The following BMP5 variants were observed in gnomAD, a reference collection of about 807,000 sequenced individuals.
The protein encoded by BMP5 is bone morphogenetic protein 5.
A neutral mutation model predicts 46.6 loss-of-function variants in BMP5; 23 were observed. The observed-to-expected ratio is 0.49, with a 90% CI of 0.35 to 0.70. The LOEUF (loss-of-function observed/expected upper bound fraction) is 0.70, where lower values mean the gene tolerates loss of function less well. Among genes scored for constraint, BMP5 ranks in the 30% least tolerant of loss-of-function variants. BMP5 has a pLI of 0.00. For missense variants in BMP5, 545 were observed against 565.6 expected, an observed-to-expected ratio of 0.96 and a Z score of 0.37; for synonymous variants, 204 against 191.9, an observed-to-expected ratio of 1.06 and a Z score of -0.52.
At chr6:55,809,490 T>TA (rs1776070464) in intron 2 of BMP5, among the ~76,000 whole-genome samples, 3 of 152,020 alleles carry the variant, frequency 2.0e-5, no homozygotes, top group Admixed American at 1.3e-4. Context: ...TGAAAACTTA[T>TA]AAAAAATAAG....
chr6:55,813,438 G>A (rs569419746), intron 2 of BMP5, among the ~76,000 whole-genome samples: 1 of 151,736 alleles, frequency 6.6e-6, no homozygotes, highest in East Asian at 1.9e-4. Context: ...ATGTTTCTTG[G>A]TTTGGGTCAA....
At chr6:55,826,825 G>C (rs898524495) in intron 1 of BMP5, among the ~76,000 whole-genome samples, 11 of 151,754 alleles carry the variant, frequency 7.2e-5, no homozygotes, top group Admixed American at 2.6e-4. Context: ...TCATGGTACA[G>C]ATAAACAATA....
chr6:55,763,345 A>T (rs1282162994), intron 4 of BMP5, among the ~76,000 whole-genome samples: 1 of 152,182 alleles, frequency 6.6e-6, no homozygotes, highest in Non-Finnish European at 1.5e-5. Context: ...AGTGATGTAT[A>T]TAATGTAACA....
chr6:55,827,114 G>A (rs1776551843), intron 1 of BMP5, among the ~76,000 whole-genome samples: 1 of 151,644 alleles, frequency 6.6e-6, no homozygotes, highest in Non-Finnish European at 1.5e-5. Flanking sequence ...ATAGAACACT[G>A]GGAACACACT....
chr6:55,851,367 T>C (rs916284176), intron 1 of BMP5, among the ~76,000 whole-genome samples: 1 of 152,134 alleles, frequency 6.6e-6, no homozygotes, highest in African/African-American at 2.4e-5. Flanking sequence ...GAATACGCTA[T>C]GTATGTCACA....
intron 1 of BMP5, among the ~76,000 whole-genome samples, chr6:55,826,970 C>A (rs1039954029): frequency 6.6e-6 from 1 of 151,748 alleles, no homozygotes; most frequent in African/African-American, 2.4e-5. Flanking sequence ...CAAAGTTTTC[C>A]TATTCCATTC....
intron 3 of BMP5, among the ~76,000 whole-genome samples, chr6:55,787,001 AAAT>A (rs2127526241): frequency 6.6e-6 from 1 of 151,840 alleles, no homozygotes; most frequent in African/African-American, 2.4e-5. Flanking sequence ...GAACTTAGAT[AAAT>A]AATAATGAGA....
At chr6:55,777,747 C>T (rs1270099392) in intron 3 of BMP5, among the ~76,000 whole-genome samples, 2 of 151,882 alleles carry the variant, frequency 1.3e-5, no homozygotes, top group East Asian at 3.9e-4. Context: ...AAGTCTATAA[C>T]TCAGAGTTAC....
chr6:55,764,571 C>CAAAAAAAA (rs57293392), intron 4 of BMP5, among the ~76,000 whole-genome samples: 3 of 110,144 alleles, frequency 2.7e-5, no homozygotes, highest in Non-Finnish European at 2.0e-5. Context: ...GACTCTGTCT[C>CAAAAAAAA]AAAAAAAAAA....
chr6:55,789,511 T>C (rs1252300587), intron 3 of BMP5, among the ~76,000 whole-genome samples: 1 of 152,050 alleles, frequency 6.6e-6, no homozygotes, highest in Non-Finnish European at 1.5e-5. Flanking sequence ...CATATGTGTG[T>C]AGGAAAAATC....
At chr6:55,779,558 G>A (rs991610286) in intron 3 of BMP5, among the ~76,000 whole-genome samples, 4 of 151,838 alleles carry the variant, frequency 2.6e-5, no homozygotes, top group South Asian at 2.1e-4. Flanking sequence ...CATTTAAAAC[G>A]TACAGAATTC....
rs1024884393 is a variant in BMP5, at chr6:55,754,986, C to T, written c.*547G>A. Reference sequence around the variant, plus strand: ...TCTTTCAGCTTCTATGTTCTGCCTACCGTTTATTTATTCAAATCCAGTTCA... The same window carrying T: ...TCTTTCAGCTTCTATGTTCTGCCTATCGTTTATTTATTCAAATCCAGTTCA... On this transcript the variant is annotated 3_prime_UTR_variant, in exon 7 of 7. Transcript: ENST00000370830. The T allele has an allele frequency of 6.6e-6, 1 of 152,356 alleles. No homozygotes were observed. Among genetic ancestry groups the T allele is most frequent in the African/African-American group, 2.4e-5 (1 of 41,422 alleles). The allele number at this position is 152,356 out of a possible 1,614,324, so 9.4% of individuals were successfully genotyped here.
chr6:55,766,093 A>T (rs1448174146), intron 4 of BMP5, among the ~76,000 whole-genome samples: 2 of 152,086 alleles, frequency 1.3e-5, no homozygotes, highest in Non-Finnish European at 2.9e-5. Context: ...TATTAAATGG[A>T]TCCACAAAGC....
At chr6:55,795,463 ATATCAAC>A (rs1422436364) in intron 2 of BMP5, among the ~76,000 whole-genome samples, 2 of 152,124 alleles carry the variant, frequency 1.3e-5, no homozygotes, top group East Asian at 1.9e-4. Context: ...ACTAGGTTAA[ATATCAAC>A]ATACTGTGTT....
At chr6:55,762,959 T>C (rs576255220) in intron 4 of BMP5, among the ~76,000 whole-genome samples, 18 of 152,132 alleles carry the variant, frequency 1.2e-4, no homozygotes, top group Non-Finnish European at 2.2e-4. Context: ...CTATGGATAC[T>C]AAAATTTGAA....
intron 3 of BMP5, among the ~76,000 whole-genome samples, chr6:55,793,785 C>T (rs766943933): frequency 1.4e-4 from 22 of 152,114 alleles, no homozygotes; most frequent in African/African-American, 4.3e-4. Flanking sequence ...CTCCTCTCTC[C>T]CACTTTGTAT....
chr6:55,822,883 G>T (rs991884225), intron 1 of BMP5, among the ~76,000 whole-genome samples: 1 of 152,032 alleles, frequency 6.6e-6, no homozygotes, highest in Non-Finnish European at 1.5e-5. Flanking sequence ...CACACAGAAC[G>T]AAGTTGCATT....
chr6:55,844,233 G>T (rs571703510), intron 1 of BMP5, among the ~76,000 whole-genome samples: 1 of 152,054 alleles, frequency 6.6e-6, no homozygotes, highest in African/African-American at 2.4e-5. Context: ...GTTTGAAGCT[G>T]GTCCACTGAT....
At chr6:55,827,679 G>A (rs1007892979) in intron 1 of BMP5, among the ~76,000 whole-genome samples, 2 of 151,760 alleles carry the variant, frequency 1.3e-5, no homozygotes, top group African/African-American at 4.8e-5. Context: ...ATTATTAAGT[G>A]AATGTTAGAA....
Sources: gnomAD v4.1 joint callset for allele counts (sites outside exome capture counted in the v4.1 genomes callset) on GRCh38, gnomAD v4.1.1 for gene constraint, MANE v1.5 for transcripts, NCBI Gene and HGNC (gene_info 2026-07-23, HGNC 2026-07-21) for gene names.